PACC1: variants seen among roughly 807,000 people sequenced by gnomAD.
The protein encoded by PACC1 is proton activated chloride channel 1, also known as proton-activated chloride channel.
Under a neutral mutation model 39.7 loss-of-function variants are expected in PACC1, and 34 were observed. That is an observed-to-expected ratio of 0.86 (90% CI 0.65 to 1.14). PACC1 has a LOEUF of 1.14. Among genes scored for constraint, PACC1 ranks in the 50% most tolerant of loss-of-function variants. PACC1 has a pLI of 0.00. For missense variants in PACC1, 379 were observed against 436.4 expected, an observed-to-expected ratio of 0.87 and a Z score of 1.17; for synonymous variants, 127 against 160.6, an observed-to-expected ratio of 0.79 and a Z score of 1.58.
chr1:212,403,059 G>C (rs1661774330), intron 2 of PACC1, among the ~76,000 whole-genome samples: 1 of 152,086 alleles, frequency 6.6e-6, no homozygotes, highest in African/African-American at 2.4e-5. Flanking sequence ...AATTAACCAA[G>C]GGTTTTCCTC....
chr1:212,364,187 C>T lies in PACC1; in HGVS notation c.*1028G>A, dbSNP rs1660151943. 6.6e-6 allele frequency: 1 copy of T among 152,026 alleles called. No individual in the cohort carries two copies. Among genetic ancestry groups the T allele is most frequent in the Non-Finnish European group, 1.5e-5 (1 of 68,006 alleles). 9.4% of individuals were successfully genotyped at this position (152,026 alleles called of 1,614,324 possible). ...TTTCTGTCAAAGGCTAGGCTAAAAGCTTTTTGAGGGTCACACTGCGTATGC... is the reference window on the plus strand; with the variant it reads ...TTTCTGTCAAAGGCTAGGCTAAAAGTTTTTTGAGGGTCACACTGCGTATGC... On this transcript the variant is annotated 3_prime_UTR_variant, in exon 8 of 8. Transcript: ENST00000261455.
intron 2 of PACC1, among the ~76,000 whole-genome samples, chr1:212,398,935 C>A (rs1225958074): frequency 1.3e-5 from 2 of 152,214 alleles, no homozygotes; most frequent in African/African-American, 4.8e-5. Flanking sequence ...TGGGTGCTGA[C>A]CCCTGAGCAG....
chr1:212,370,417 C>G (rs551229891), intron 7 of PACC1, among the ~76,000 whole-genome samples: 2 of 152,206 alleles, frequency 1.3e-5, no homozygotes, highest in Non-Finnish European at 2.9e-5. Flanking sequence ...TGCAGTGAGC[C>G]GAGTTCACAC....
At chr1:212,396,796 ATATCTATCTATCTATCTATCTATC>A (rs56926217) in intron 2 of PACC1, among the ~76,000 whole-genome samples, 2,015 of 146,844 alleles carry the variant, frequency 0.014, 45 homozygotes, top group African/African-American at 0.047. Flanking sequence ...AGGGAAAAAA[ATATCTATCTATCTATCTATCTATC>A]TATCTATCTA....
intron 2 of PACC1, among the ~76,000 whole-genome samples, chr1:212,388,335 G>A (rs1041580509): frequency 3.3e-5 from 5 of 152,084 alleles, no homozygotes; most frequent in Admixed American, 1.3e-4. Flanking sequence ...GATTGAACAC[G>A]TCCTGATGCT....
intron 2 of PACC1, among the ~76,000 whole-genome samples, chr1:212,409,109 G>C (rs1462287569): frequency 3.3e-5 from 5 of 152,150 alleles, no homozygotes; most frequent in Non-Finnish European, 5.9e-5. Flanking sequence ...GATAATCTGA[G>C]GTGGAACAGT....
At chr1:212,384,316 A>G (rs1211521252) in intron 4 of PACC1, among the ~76,000 whole-genome samples, 1 of 152,122 alleles carries the variant, frequency 6.6e-6, no homozygotes, top group Non-Finnish European at 1.5e-5. Context: ...AATTAGTGTT[A>G]TTCTTTCATC....
chr1:212,369,025 CAAA>C (rs60126911), intron 7 of PACC1, among the ~76,000 whole-genome samples: 8 of 122,860 alleles, frequency 6.5e-5, no homozygotes, highest in South Asian at 2.5e-4. Context: ...GACTCCGTCT[CAAA>C]AAAAAAAAAA....
At chr1:212,391,671 C>T (rs1156560187) in intron 2 of PACC1, among the ~76,000 whole-genome samples, 5 of 152,222 alleles carry the variant, frequency 3.3e-5, no homozygotes, top group East Asian at 1.9e-4. Context: ...TCAAACCCAA[C>T]GCAAAGAAGT....
At chr1:212,376,465 G>A (rs752598707) in intron 6 of PACC1, among the ~76,000 whole-genome samples, 63 of 152,146 alleles carry the variant, frequency 4.1e-4, no homozygotes, top group Admixed American at 7.2e-4. Flanking sequence ...ATCACAGTGG[G>A]AGCTATCAGA....
In PACC1 at chr1:212,365,222, A is replaced by G. The variant is rs1286785678; in HGVS notation, c.1046T>C (p.Ile349Thr). 1.9e-6 allele frequency: 3 copies of G among 1,613,380 alleles called. No individual in the cohort carries two copies. The highest frequency in any genetic ancestry group is 1.3e-5 in the African/African-American group (1 of 74,964). Residue 349 changes from isoleucine (I) to threonine (T), a missense_variant, in exon 8 of 8, where the codon ATA becomes ACA. By Grantham distance (89) the Ile-to-Thr change is moderately conservative. Coordinates refer to ENST00000261455, the MANE Select transcript of PACC1 (RefSeq NM_018252.3). ...LKRRGQATSHIS is the reference protein window; with the variant it reads ...LKRRGQATSHTS ...AAACAACGCGAGGTGACTTCAGCTT[A>G]TGTGGCTCGTTGCCTGACCTCTTCT... is the stretch of plus-strand genomic sequence containing the variant.
chr1:212,375,367 A>C (rs978314497), intron 6 of PACC1, 67 bp from the exon 7 acceptor site: 12 of 1,145,884 alleles, frequency 1.0e-5, no homozygotes, highest in Non-Finnish European at 1.6e-5. Context: ...GTGCCCAGCG[A>C]AAGGAGAGAG....
In PACC1 at chr1:212,406,072, G is replaced by A. The variant is rs372871874; in HGVS notation, c.133+4353C>T. Reference sequence around the variant, plus strand: ...TGAGCCATGATCACACCACTGTACTGTAGCCCAGTCCACAAAGCAAGGTCC... The same window carrying A: ...TGAGCCATGATCACACCACTGTACTATAGCCCAGTCCACAAAGCAAGGTCC... On this transcript the variant is annotated intron_variant, in intron 2 of 7. Transcript: ENST00000261455. 5.0e-5 allele frequency among the ~76,000 whole-genome samples: 6 copies of A among 120,588 alleles called. No homozygotes were observed. In the South Asian group the frequency reaches 1.1e-3, roughly 22 times the overall value. 79.1% of individuals were successfully genotyped at this position (120,588 alleles called of 152,430 possible).
intron 6 of PACC1, among the ~76,000 whole-genome samples, chr1:212,375,652 A>G (rs187881127): frequency 1.4e-4 from 21 of 152,346 alleles, no homozygotes; most frequent in Admixed American, 6.5e-5. Flanking sequence ...TGTGAGGCCT[A>G]GCCAGGCAGA....
intron 2 of PACC1, among the ~76,000 whole-genome samples, chr1:212,390,775 T>C (rs370513680): frequency 2.0e-5 from 3 of 152,128 alleles, no homozygotes; most frequent in Non-Finnish European, 2.9e-5. Flanking sequence ...TCTTAGCAAA[T>C]GGCACACCAG....
chr1:212,414,798 C>A lies in PACC1; in HGVS notation c.-41G>T. 2 of 1,608,372 alleles carry A rather than the reference C, an allele frequency of 1.2e-6. No homozygotes were observed. Among genetic ancestry groups the A allele is most frequent in the Non-Finnish European group, 1.7e-6 (2 of 1,175,560 alleles). ...TTCGGCACACCTGAGACCGCCCCAG[C>A]CCGCGGCGCACGGACGCAGCACTGC... On this transcript the variant is annotated 5_prime_UTR_variant, in exon 1 of 8. Coordinates refer to ENST00000261455, the MANE Select transcript of PACC1 (RefSeq NM_018252.3).
intron 7 of PACC1, among the ~76,000 whole-genome samples, chr1:212,373,984 A>G (rs1660555088): frequency 6.6e-6 from 1 of 151,802 alleles, no homozygotes; most frequent in South Asian, 2.1e-4. Context: ...AACTAGAACT[A>G]CCATATGATC....
chr1:212,379,653 ACCAGCCAGCACTATGTGCATGGAGAG>A (rs1660801956), intron 5 of PACC1, among the ~76,000 whole-genome samples: 2 of 152,164 alleles, frequency 1.3e-5, no homozygotes, highest in African/African-American at 4.8e-5. Context: ...TCTCTCTAGA[ACCAGCCAGCACTATGTGCATGGAGAG>A]CCAGCATGCT....
intron 2 of PACC1, among the ~76,000 whole-genome samples, chr1:212,403,972 C>A (rs533517999): frequency 1.3e-5 from 2 of 152,178 alleles, no homozygotes; most frequent in African/African-American, 4.8e-5. Context: ...TCCTTCTCCC[C>A]CTCTGCTACA....
Sources: allele counts gnomAD v4.1 joint callset (sites outside exome capture counted in the v4.1 genomes callset), GRCh38; gene constraint gnomAD v4.1.1; transcripts MANE v1.5; gene names NCBI Gene and HGNC (gene_info 2026-07-23, HGNC 2026-07-21).